Variants in FAM107B observed in about 807,000 individuals in gnomAD.
The protein encoded by FAM107B is protein FAM107B.
In FAM107B, 21 loss-of-function variants were observed where a neutral mutation model predicts 31.5. The ratio of observed to expected loss-of-function variants is 0.67; its 90% CI spans 0.47 to 0.96. The LOEUF (loss-of-function observed/expected upper bound fraction) is 0.96, where lower values mean the gene tolerates loss of function less well. FAM107B is among the 40% of genes least tolerant of loss of function. The pLI is 0.00. For synonymous variants in FAM107B, 157 were observed against 141.5 expected (o/e 1.11, Z -0.78); for missense variants, 452 against 377.1 (o/e 1.20, Z -1.64).
intron 1 of FAM107B, among the ~76,000 whole-genome samples, chr10:14,718,254 G>A (rs1234549373): frequency 6.6e-6 from 1 of 152,160 alleles, no homozygotes; most frequent in Non-Finnish European, 1.5e-5. Flanking sequence ...TGAAACCTGG[G>A]AGGCGGAGGT....
chr10:14,533,188 G>T (rs1292806757), intron 2 of FAM107B, among the ~76,000 whole-genome samples: 1 of 152,176 alleles, frequency 6.6e-6, no homozygotes, highest in Non-Finnish European at 1.5e-5. Context: ...AGGCAGGCAG[G>T]GCGGCAGATG....
intron 2 of FAM107B, among the ~76,000 whole-genome samples, chr10:14,599,419 A>C (rs1852292804): frequency 6.6e-6 from 1 of 152,128 alleles, no homozygotes; most frequent in Admixed American, 6.5e-5. Context: ...AGGAAACATT[A>C]TTGTCTCCAA....
intron 2 of FAM107B, among the ~76,000 whole-genome samples, chr10:14,589,042 T>G (rs1851933314): frequency 6.7e-6 from 1 of 148,618 alleles, no homozygotes; most frequent in African/African-American, 2.5e-5. Context: ...ATTAGCCGGG[T>G]GTGGTGGTGC....
chr10:14,678,812 G>A (rs1031108381), intron 1 of FAM107B, among the ~76,000 whole-genome samples: 8 of 152,166 alleles, frequency 5.3e-5, no homozygotes, highest in Non-Finnish European at 1.0e-4. Context: ...TCATGTTCTG[G>A]GTGAGTCCCT....
intron 2 of FAM107B, among the ~76,000 whole-genome samples, chr10:14,583,105 GAAAA>G (rs1260612387): frequency 1.4e-5 from 2 of 143,298 alleles, no homozygotes; most frequent in African/African-American, 5.2e-5. Context: ...AAAAAAAAAA[GAAAA>G]GAAAGAAAGA....
intron 2 of FAM107B, among the ~76,000 whole-genome samples, chr10:14,569,036 G>C (rs1283207214): frequency 6.6e-6 from 1 of 152,158 alleles, no homozygotes; most frequent in Non-Finnish European, 1.5e-5. Context: ...ATGAAGTTAG[G>C]AATTTTCTGA....
At chr10:14,743,390 C>G (rs1283971110) in intron 1 of FAM107B, among the ~76,000 whole-genome samples, 1 of 152,160 alleles carries the variant, frequency 6.6e-6, no homozygotes, top group African/African-American at 2.4e-5. Context: ...ACCTTCGTTG[C>G]AATGGCTTTT....
rs751487333 is a variant in FAM107B, at chr10:14,774,814, A to AG, written c.-152dup. The AG allele has an allele frequency of 5.4e-5, 46 of 847,964 alleles. No homozygotes were observed. The highest frequency in any genetic ancestry group is 7.1e-5 in the Non-Finnish European group (40 of 563,578). The allele number at this position is 847,964 out of a possible 1,614,324, so 52.5% of individuals were successfully genotyped here. A position where few individuals can be genotyped will look rare whatever the true frequency, so the allele number is the denominator to read the frequency against. ...CCCCTAAATAGAAGTTGGGATGGCA[A>AG]GGCCACCTTCCCTGAGAGTCACTTA... On this transcript the variant is annotated 5_prime_UTR_variant, in exon 1 of 5. Transcript: ENST00000181796.
At chr10:14,626,931 C>T (rs900501051) in intron 2 of FAM107B, among the ~76,000 whole-genome samples, 1 of 152,188 alleles carries the variant, frequency 6.6e-6, no homozygotes, top group Non-Finnish European at 1.5e-5. Flanking sequence ...CTCTTTCTAT[C>T]TTTTGGACAT....
intron 2 of FAM107B, among the ~76,000 whole-genome samples, chr10:14,576,713 CTTTA>C (rs917018112): frequency 2.6e-5 from 4 of 152,104 alleles, no homozygotes; most frequent in African/African-American, 9.7e-5. Context: ...CATCTTTGTA[CTTTA>C]TTTTTTTCTA....
In FAM107B at chr10:14,667,688, C is replaced by A. The variant is rs998048468; in HGVS notation, c.415G>T (p.Glu139Ter). Residue 139 changes from glutamate to a stop codon, truncating the protein, a stop_gained, in exon 2 of 5, where the codon GAA becomes TAA. Transcript: ENST00000181796. LOFTEE classifies it high-confidence loss of function. The part of the protein sequence containing the change: ...RPSIIDTPKE[E>*]EFREEPKCLE... ...CATTTAGGTTCTTCTCGAAATTCTT[C>A]TTCCTAAGCGCCAGCCCCATAAACC... 2 of 1,614,148 alleles carry A rather than the reference C, an allele frequency of 1.2e-6. No homozygotes were observed. The highest frequency in any genetic ancestry group is 2.7e-5 in the African/African-American group (2 of 75,050).
intron 2 of FAM107B, among the ~76,000 whole-genome samples, chr10:14,660,919 C>A (rs1211754273): frequency 6.6e-6 from 1 of 152,132 alleles, no homozygotes; most frequent in Non-Finnish European, 1.5e-5. Flanking sequence ...AAATTGTAAC[C>A]CCCAATGTTG....
chr10:14,584,104 G>C (rs1851746158), intron 2 of FAM107B, among the ~76,000 whole-genome samples: 2 of 152,184 alleles, frequency 1.3e-5, no homozygotes, highest in Admixed American at 1.3e-4. Flanking sequence ...CTGATGGAGG[G>C]ACCAAGCAAG....
intron 2 of FAM107B, among the ~76,000 whole-genome samples, chr10:14,632,492 T>G (rs1191267576): frequency 2.0e-5 from 3 of 150,360 alleles, no homozygotes; most frequent in African/African-American, 7.4e-5. Flanking sequence ...GCGCCTGTAG[T>G]CCCAGATACT....
chr10:14,538,138 C>A (rs900056230), intron 2 of FAM107B, among the ~76,000 whole-genome samples: 1 of 152,168 alleles, frequency 6.6e-6, no homozygotes, highest in Non-Finnish European at 1.5e-5. Flanking sequence ...ACTTTAGAAC[C>A]TTTCTAACAT....
intron 1 of FAM107B, among the ~76,000 whole-genome samples, chr10:14,748,136 C>G (rs1385969840): frequency 1.3e-5 from 2 of 152,150 alleles, no homozygotes; most frequent in African/African-American, 4.8e-5. Context: ...GTTTACTTGT[C>G]TATTTTAGCA....
chr10:14,665,687 C>T (rs976516698), intron 2 of FAM107B, among the ~76,000 whole-genome samples: 9 of 152,136 alleles, frequency 5.9e-5, no homozygotes, highest in African/African-American at 1.9e-4. Flanking sequence ...TCCACCACTG[C>T]CCCTACTATG....
chr10:14,676,981 G>A (rs550784675), intron 1 of FAM107B, among the ~76,000 whole-genome samples: 1 of 152,166 alleles, frequency 6.6e-6, no homozygotes, highest in East Asian at 1.9e-4. Context: ...CTCCAACTCA[G>A]GACAACTCTA....
chr10:14,615,394 G>C (rs901897332), intron 2 of FAM107B, among the ~76,000 whole-genome samples: 1 of 152,174 alleles, frequency 6.6e-6, no homozygotes, highest in Non-Finnish European at 1.5e-5. Context: ...ATCTTGTAGG[G>C]AGAGAATTAA....
Sources: allele counts gnomAD v4.1 joint callset (sites outside exome capture counted in the v4.1 genomes callset), GRCh38; gene constraint gnomAD v4.1.1; transcripts MANE v1.5; gene names NCBI Gene and HGNC (gene_info 2026-07-23, HGNC 2026-07-21).